Variants in NUP98 observed in about 807,000 individuals in gnomAD.
NUP98 encodes nuclear pore complex protein Nup98-Nup96.
In NUP98, 26 loss-of-function variants were observed where a neutral mutation model predicts 191.9. That is an observed-to-expected ratio of 0.14 (90% CI 0.10 to 0.19). NUP98 has a LOEUF of 0.19. Ranked by LOEUF, NUP98 falls within the 10% of genes least tolerant of loss-of-function variation. NUP98 has a pLI of 1.00. For synonymous variants in NUP98, 808 were observed against 778.4 expected (o/e 1.04, Z -0.63); for missense variants, 1,941 against 2,178.8 (o/e 0.89, Z 2.17).
chr11:3,784,806 C>G (rs61508984), intron 1 of NUP98, among the ~76,000 whole-genome samples: 1 of 151,870 alleles, frequency 6.6e-6, no homozygotes, highest in African/African-American at 2.4e-5. Context: ...GGCTGGGGTA[C>G]AGACATTTGC....
At chr11:3,703,477 G>C (rs1237028903) in intron 22 of NUP98, among the ~76,000 whole-genome samples, 2 of 152,058 alleles carry the variant, frequency 1.3e-5, no homozygotes, top group African/African-American at 4.8e-5. Context: ...CAGCCTCCTA[G>C]AGTGCTGCAA....
At chr11:3,748,499 C>A (rs919954567) in intron 11 of NUP98, among the ~76,000 whole-genome samples, 3 of 152,030 alleles carry the variant, frequency 2.0e-5, no homozygotes, top group Admixed American at 2.0e-4. Flanking sequence ...CCAGCCTGGG[C>A]AACAGAGCAA....
chr11:3,777,065 T>C (rs570431704), intron 4 of NUP98, among the ~76,000 whole-genome samples: 24 of 152,278 alleles, frequency 1.6e-4, no homozygotes, highest in African/African-American at 4.3e-4. Context: ...CATTATAACA[T>C]ATACCTACAC....
At chr11:3,749,568 T>C (rs2080661205) in intron 11 of NUP98, among the ~76,000 whole-genome samples, 1 of 152,132 alleles carries the variant, frequency 6.6e-6, no homozygotes, top group Admixed American at 6.5e-5. Flanking sequence ...GAGGTTGCCA[T>C]GAGCTGAGAT....
chr11:3,731,224 A>T (rs2079834760), intron 14 of NUP98, among the ~76,000 whole-genome samples, 167 bp downstream of exon 14: 1 of 152,230 alleles, frequency 6.6e-6, no homozygotes, highest in Non-Finnish European at 1.5e-5. Context: ...AGATCATGCC[A>T]TTGCACTCCA....
intron 27 of NUP98, 77 bp downstream of exon 27, chr11:3,693,155 T>A (rs1421568544): frequency 6.8e-7 from 1 of 1,465,918 alleles, no homozygotes; most frequent in South Asian, 1.2e-5. Flanking sequence ...TCCCATCAGA[T>A]TTCCTGGCTC....
At chr11:3,683,062 G>A (rs1050038673) in intron 30 of NUP98, 138 bp downstream of exon 30, 12 of 1,268,816 alleles carry the variant, frequency 9.5e-6, no homozygotes, top group African/African-American at 1.5e-5. Flanking sequence ...CTTCTGCAGA[G>A]AGCTTTTGCA....
chr11:3,724,774 C>T (rs1252898749), intron 15 of NUP98, among the ~76,000 whole-genome samples: 2 of 45,178 alleles, frequency 4.4e-5, no homozygotes, highest in Non-Finnish European at 8.9e-5. Flanking sequence ...GAGTGAGACT[C>T]TGTCTCAAAA....
chr11:3,707,336 G>C (rs2078890077), intron 20 of NUP98, among the ~76,000 whole-genome samples: 1 of 152,110 alleles, frequency 6.6e-6, no homozygotes, highest in Non-Finnish European at 1.5e-5. Context: ...TGATTTAAAA[G>C]GGTAAACACT....
rs1377874939 is a variant in NUP98, at chr11:3,688,419, A to G, written c.4455-2225T>C. 2.0e-5 allele frequency among the ~76,000 whole-genome samples: 3 copies of G among 151,084 alleles called. No homozygotes were observed. The East Asian group carries it at 5.9e-4, about 30-fold the overall frequency. ...AGACTCCATCTCAAAAAATAATAAT[A>G]ATAATAAAATAAATAAATAAAAACC... On this transcript the variant is annotated intron_variant, in intron 28 of 32. Transcript: ENST00000324932.
rs1001393761 is a variant in NUP98, at chr11:3,768,158, A to T, written c.948+423T>A. ...TGTTCTTGGCCGGGCACGGTGGCTC[A>T]TGCCTATAATCCCAGCACTTTGGGA... On this transcript the variant is annotated intron_variant, in intron 8 of 32. Coordinates refer to ENST00000324932, the MANE Select transcript of NUP98 (RefSeq NM_016320.5). Among the ~76,000 whole-genome samples, 4 of 152,310 alleles carry T rather than the reference A, an allele frequency of 2.6e-5. No individual in the cohort carries two copies. The South Asian group carries it at 8.3e-4, about 32-fold the overall frequency.
chr11:3,738,086 T>TAAAA (rs1487198831), intron 12 of NUP98, among the ~76,000 whole-genome samples: 1 of 50,492 alleles, frequency 2.0e-5, no homozygotes, highest in South Asian at 5.0e-4. Context: ...CTGGGCGTTC[T>TAAAA]CAAAAAAAAA....
intron 15 of NUP98, 101 bp from the exon 16 acceptor site, chr11:3,723,556 T>C: frequency 1.1e-6 from 1 of 904,556 alleles, no homozygotes; most frequent in Non-Finnish European, 1.7e-6. Flanking sequence ...GGCACTGTTC[T>C]GGATAGTTCC....
At chr11:3,700,006 T>C (rs1030499067) in intron 24 of NUP98, among the ~76,000 whole-genome samples, 14 of 152,166 alleles carry the variant, frequency 9.2e-5, no homozygotes, top group African/African-American at 2.9e-4. Context: ...ACAACAAAGC[T>C]GTTGAGAAGA....
At chr11:3,793,065 A>G (rs547792476) in intron 1 of NUP98, among the ~76,000 whole-genome samples, 1 of 152,110 alleles carries the variant, frequency 6.6e-6, no homozygotes, top group Admixed American at 6.6e-5. Flanking sequence ...ACGCTGAGAT[A>G]GCGCCACTGC....
In NUP98 at chr11:3,675,962, G is replaced by A; in HGVS notation, c.*197C>T. On this transcript the variant is annotated 3_prime_UTR_variant, in exon 33 of 33. Coordinates refer to ENST00000324932, the MANE Select transcript of NUP98 (RefSeq NM_016320.5). ...GGATGGTAAACTGTCTCCTCTTCTG[G>A]GTTCCAGAAGCCCTTATGCTACGTT... The A allele has an allele frequency of 1.7e-6, 1 of 590,276 alleles. No homozygotes were observed. Among genetic ancestry groups the A allele is most frequent in the Non-Finnish European group, 3.0e-6 (1 of 332,218 alleles). 36.6% of individuals were successfully genotyped at this position (590,276 alleles called of 1,614,324 possible).
intron 18 of NUP98, among the ~76,000 whole-genome samples, chr11:3,718,325 CA>C (rs2079260885): frequency 6.6e-6 from 1 of 152,098 alleles, no homozygotes; most frequent in South Asian, 2.1e-4. Context: ...CACCTGAGGT[CA>C]GGAGTTCAAG....
In NUP98 at chr11:3,735,261, A is replaced by G; in HGVS notation, c.1472T>C (p.Leu491Pro). Reference protein sequence around the residue: ...QAVLQQHINSLTYSPFGDSPL... With the variant: ...QAVLQQHINSPTYSPFGDSPL... ...AGAGTCTCCAAAAGGTGAGTATGTTAGACTATTGATGTGCTGCTGGAGAAC... is the reference window on the plus strand; with the variant it reads ...AGAGTCTCCAAAAGGTGAGTATGTTGGACTATTGATGTGCTGCTGGAGAAC... The change falls in exon 13 of 33, where the codon CTA (leucine) becomes CCA (proline). Residue 491 changes from leucine (L) to proline (P), a missense_variant. Physicochemically the swap from Leu to Pro is moderately conservative, Grantham distance 98. Coordinates refer to ENST00000324932, the MANE Select transcript of NUP98 (RefSeq NM_016320.5). 6.2e-7 allele frequency: 1 copy of G among 1,600,716 alleles called. No individual in the cohort carries two copies.
chr11:3,686,619 C>T (rs1184767369), intron 28 of NUP98, among the ~76,000 whole-genome samples: 1 of 152,128 alleles, frequency 6.6e-6, no homozygotes, highest in Non-Finnish European at 1.5e-5. Flanking sequence ...TAAAACTGCA[C>T]GTATCTAGAG....
Sources: gnomAD v4.1 joint callset for allele counts (sites outside exome capture counted in the v4.1 genomes callset) on GRCh38, gnomAD v4.1.1 for gene constraint, MANE v1.5 for transcripts, NCBI Gene and HGNC (gene_info 2026-07-23, HGNC 2026-07-21) for gene names.